Variants in CDH13 observed in about 807,000 individuals in gnomAD.
CDH13 encodes the protein cadherin 13, also known as cadherin-13.
CDH13 carries 24 observed loss-of-function variants against 63.8 expected under a neutral mutation model. That is an observed-to-expected ratio of 0.38 (90% CI 0.27 to 0.53). CDH13 has a LOEUF of 0.53. CDH13 is among the 20% of genes least tolerant of loss of function. The probability of loss-of-function intolerance (pLI) is 0.85; values close to 1 mark genes in which losing one functional copy is unlikely to be tolerated. For missense variants in CDH13, 1,049 were observed against 903.1 expected (o/e 1.16, Z -2.07); for synonymous variants, 503 against 355.3 (o/e 1.42, Z -4.67).
At chr16:83,745,306 C>T (rs1425437920) in intron 10 of CDH13, among the ~76,000 whole-genome samples, 1 of 152,186 alleles carries the variant, frequency 6.6e-6, no homozygotes, top group South Asian at 2.1e-4. Context: ...ATCCACTTTG[C>T]AGGACAAAAA....
At chr16:83,181,430 G>A (rs2038345856) in intron 4 of CDH13, among the ~76,000 whole-genome samples, 1 of 152,216 alleles carries the variant, frequency 6.6e-6, no homozygotes. Context: ...GAACCACTAT[G>A]TGGTTAATAC....
chr16:83,614,719 C>T (rs893687831), intron 8 of CDH13, among the ~76,000 whole-genome samples: 14 of 152,114 alleles, frequency 9.2e-5, no homozygotes, highest in African/African-American at 3.4e-4. Flanking sequence ...GAGAAAAAAT[C>T]TGGATTAGCT....
intron 2 of CDH13, among the ~76,000 whole-genome samples, chr16:82,979,732 C>G (rs538548913): frequency 6.6e-6 from 1 of 152,154 alleles, no homozygotes; most frequent in Non-Finnish European, 1.5e-5. Context: ...TGAGAACAGA[C>G]AAATGCACAG....
intron 1 of CDH13, among the ~76,000 whole-genome samples, chr16:82,660,388 A>C (rs1426751461): frequency 6.6e-6 from 1 of 152,190 alleles, no homozygotes; most frequent in African/African-American, 2.4e-5. Flanking sequence ...CCACCAATCA[A>C]AACAGCCATC....
intron 7 of CDH13, among the ~76,000 whole-genome samples, chr16:83,591,242 T>C (rs1249999832): frequency 6.6e-6 from 1 of 152,200 alleles, no homozygotes; most frequent in African/African-American, 2.4e-5. Flanking sequence ...TGACTCTGAC[T>C]CTATGTCTTA....
chr16:83,133,095 T>C (rs571374289), intron 4 of CDH13, among the ~76,000 whole-genome samples: 10 of 152,336 alleles, frequency 6.6e-5, no homozygotes, highest in East Asian at 1.9e-4. Flanking sequence ...ATGTGGTCAA[T>C]GCAGTTATAA....
intron 5 of CDH13, among the ~76,000 whole-genome samples, chr16:83,246,035 C>A (rs930415483): frequency 6.6e-6 from 1 of 152,180 alleles, no homozygotes; most frequent in Middle Eastern, 3.2e-3. Context: ...CTGCGCCTGG[C>A]CCAAATTCCT....
At chr16:82,938,670 A>G (rs890568516) in intron 2 of CDH13, among the ~76,000 whole-genome samples, 3 of 152,192 alleles carry the variant, frequency 2.0e-5, no homozygotes, top group Non-Finnish European at 4.4e-5. Flanking sequence ...GAGTGTGTAT[A>G]GTTTATTTAA....
At chr16:83,344,119 A>G (rs1378412619) in intron 5 of CDH13, among the ~76,000 whole-genome samples, 1 of 152,244 alleles carries the variant, frequency 6.6e-6, no homozygotes, top group Non-Finnish European at 1.5e-5. Flanking sequence ...TATTACTCTT[A>G]TCGCTGAGTT....
intron 6 of CDH13, among the ~76,000 whole-genome samples, chr16:83,410,059 T>A (rs1211187431): frequency 6.6e-6 from 1 of 152,146 alleles, no homozygotes; most frequent in Non-Finnish European, 1.5e-5. Context: ...GGTGAAAAGG[T>A]CCCTGAGAGT....
chr16:83,250,306 G>T (rs914748526), intron 5 of CDH13, among the ~76,000 whole-genome samples: 3 of 152,082 alleles, frequency 2.0e-5, no homozygotes, highest in Non-Finnish European at 4.4e-5. Context: ...AAGAACACCT[G>T]ATTTATGCCA....
chr16:83,078,837 C>T (rs28704833), intron 3 of CDH13, among the ~76,000 whole-genome samples: 47 of 152,070 alleles, frequency 3.1e-4, no homozygotes, highest in Non-Finnish European at 5.1e-4. Flanking sequence ...GTTGTCAGCC[C>T]GGGCTGGAGT....
At chr16:83,405,907 G>A (rs1471749194) in intron 6 of CDH13, among the ~76,000 whole-genome samples, 1 of 152,174 alleles carries the variant, frequency 6.6e-6, no homozygotes, top group Non-Finnish European at 1.5e-5. Context: ...GATTCTGAAG[G>A]CACACAGTTC....
chr16:83,000,305 A>C (rs1912759790), intron 2 of CDH13, among the ~76,000 whole-genome samples: 1 of 119,700 alleles, frequency 8.4e-6, no homozygotes, highest in Non-Finnish European at 1.6e-5. Context: ...CTGTAGTGCA[A>C]AGCTGCGATC....
chr16:82,789,115 C>T (rs527439738), intron 1 of CDH13, among the ~76,000 whole-genome samples: 2 of 152,222 alleles, frequency 1.3e-5, no homozygotes, highest in East Asian at 3.9e-4. Context: ...TCACCTTTTT[C>T]CATTTGTCTT....
intron 8 of CDH13, among the ~76,000 whole-genome samples, chr16:83,623,174 C>G (rs916511448): frequency 6.6e-6 from 1 of 152,018 alleles, no homozygotes; most frequent in Non-Finnish European, 1.5e-5. Flanking sequence ...TACAAGAGCC[C>G]GGTTGAGGGG....
chr16:83,263,486 C>T (rs932864512), intron 5 of CDH13, among the ~76,000 whole-genome samples: 16 of 152,152 alleles, frequency 1.1e-4, no homozygotes, highest in Non-Finnish European at 2.2e-4. Flanking sequence ...GAACTCAGAT[C>T]ATTAAAGGAC....
chr16:83,780,124 C>T lies in CDH13; in HGVS notation c.1838C>T (p.Pro613Leu), dbSNP rs1306296383. The change falls in exon 12 of 14, where the codon CCG becomes CTG. Residue 613 changes from proline to leucine, a missense_variant. By Grantham distance (98) the Pro-to-Leu change is moderately conservative. Transcript: ENST00000567109. The stretch of plus-strand genomic sequence containing the variant: ...GGAGCATCAGATAAGGATCTTCACC[C>T]GAATACAGATCCTTTCAAATTTGAA... ...ILGASDKDLH[P>L]NTDPFKFEIH... 3 of 1,613,434 alleles carry T rather than the reference C, an allele frequency of 1.9e-6. No homozygotes were observed. Among genetic ancestry groups the T allele is most frequent in the African/African-American group, 1.3e-5 (1 of 75,018 alleles).
chr16:83,738,441 T>C (rs1911742716), intron 10 of CDH13, among the ~76,000 whole-genome samples: 1 of 152,238 alleles, frequency 6.6e-6, no homozygotes, highest in African/African-American at 2.4e-5. Flanking sequence ...TTTTTTTCTT[T>C]TTTCTCCTCC....
Sources: allele counts gnomAD v4.1 joint callset (sites outside exome capture counted in the v4.1 genomes callset), GRCh38; gene constraint gnomAD v4.1.1; transcripts MANE v1.5; gene names NCBI Gene and HGNC (gene_info 2026-07-23, HGNC 2026-07-21).